The following SPTSSB variants were observed in gnomAD, a reference collection of about 807,000 sequenced individuals.
The protein encoded by SPTSSB is serine palmitoyltransferase small subunit B, also known as androgen down regulated in mouse prostate.
Under a neutral mutation model 7.7 loss-of-function variants are expected in SPTSSB, and 6 were observed. The ratio of observed to expected loss-of-function variants is 0.78; its 90% CI spans 0.43 to 1.54. SPTSSB has a LOEUF of 1.54. SPTSSB is among the 40% of genes most tolerant of loss of function. The pLI, the probability that SPTSSB is intolerant of heterozygous loss-of-function variation, is 0.01. For synonymous variants in SPTSSB, 28 were observed against 29.7 expected (o/e 0.94, Z 0.19); for missense variants, 91 against 93.0 (o/e 0.98, Z 0.09).
chr3:161,363,355 T>C (rs971810671), intron 1 of SPTSSB, among the ~76,000 whole-genome samples: 1 of 151,820 alleles, frequency 6.6e-6, no homozygotes, highest in Non-Finnish European at 1.5e-5. Context: ...TACTGACTTT[T>C]GTATATTAAA....
intron 2 of SPTSSB, among the ~76,000 whole-genome samples, chr3:161,352,822 A>G (rs542354507): frequency 1.3e-5 from 2 of 152,312 alleles, no homozygotes; most frequent in South Asian, 4.1e-4. Context: ...AAAAATATAT[A>G]TAACAAATGC....
intron 2 of SPTSSB, among the ~76,000 whole-genome samples, chr3:161,352,303 T>G (rs565812882): frequency 3.9e-4 from 60 of 152,300 alleles, no homozygotes; most frequent in Admixed American, 1.2e-3. Context: ...TGCTCTTTTC[T>G]TTTCTTGAAA....
At position 161,369,839 on chromosome 3, in the gene SPTSSB, G is replaced by A. The variant is rs551422150; in HGVS notation, c.-126+1596C>T. On this transcript the variant is annotated intron_variant, in intron 1 of 2. Transcript: ENST00000620149. ...ATCACACTCAACTGGAGAGGGTGGG[G>A]AAATATATTGTGGTTCAAGCATCAC... Among the ~76,000 whole-genome samples the A allele has an allele frequency of 5.3e-5, 8 of 152,272 alleles. No individual in the cohort carries two copies. The East Asian group carries it at 1.5e-3, about 29-fold the overall frequency.
chr3:161,358,512 A>G (rs1042722932), intron 2 of SPTSSB, among the ~76,000 whole-genome samples: 12 of 152,188 alleles, frequency 7.9e-5, no homozygotes, highest in Admixed American at 2.6e-4. Flanking sequence ...AGTATAAAAT[A>G]TTTAGAATAA....
chr3:161,369,385 C>CTAT (rs1715404625), intron 1 of SPTSSB, among the ~76,000 whole-genome samples: 3 of 29,652 alleles, frequency 1.0e-4, no homozygotes, highest in Non-Finnish European at 1.8e-4. Flanking sequence ...TCTTTCTTTC[C>CTAT]TTTTTTTTTT....
intron 2 of SPTSSB, among the ~76,000 whole-genome samples, chr3:161,354,296 A>G (rs1203420225): frequency 1.3e-5 from 2 of 152,240 alleles, no homozygotes; most frequent in African/African-American, 4.8e-5. Context: ...TTTGTGTTAT[A>G]TACAATAACA....
At chr3:161,346,523 AAATT>A (rs1247267002) in intron 2 of SPTSSB, among the ~76,000 whole-genome samples, 168 bp from the exon 3 acceptor site, 1 of 152,132 alleles carries the variant, frequency 6.6e-6, no homozygotes, top group Non-Finnish European at 1.5e-5. Flanking sequence ...TTAACTATAA[AAATT>A]AATAATATTG....
rs1576892283 is a variant in SPTSSB, at chr3:161,346,099, A to G, written c.225T>C (p.Ser75=). 2 of 1,519,992 alleles carry G rather than the reference A, an allele frequency of 1.3e-6. No individual in the cohort carries two copies. Among genetic ancestry groups the G allele is most frequent in the Non-Finnish European group, 1.8e-6 (2 of 1,094,184 alleles). The allele number at this position is 1,519,992 out of a possible 1,614,324, so 94.2% of individuals were successfully genotyped here. ...TCACTGAATGTGAACAGGATCAATT[A>G]GAAATTGTACTGTGATATCCACATA... ...SKICGYHSTI[S]N The change falls in exon 3 of 3, where the codon TCT becomes TCC. Residue 75 remains serine, a synonymous_variant. Coordinates refer to ENST00000620149, the MANE Select transcript of SPTSSB (RefSeq NM_001040100.2).
At chr3:161,357,889 A>G (rs1006571448) in intron 2 of SPTSSB, among the ~76,000 whole-genome samples, 4 of 152,168 alleles carry the variant, frequency 2.6e-5, no homozygotes, top group African/African-American at 9.7e-5. Flanking sequence ...GCAGACTTCT[A>G]GCCTTTGGGA....
intron 1 of SPTSSB, among the ~76,000 whole-genome samples, chr3:161,361,529 A>G (rs1171884958): frequency 6.6e-6 from 1 of 152,194 alleles, no homozygotes; most frequent in Non-Finnish European, 1.5e-5. Flanking sequence ...TTGCTATTGC[A>G]TGGTATTTGG....
At chr3:161,363,951 T>C (rs1387287142) in intron 1 of SPTSSB, among the ~76,000 whole-genome samples, 6 of 133,830 alleles carry the variant, frequency 4.5e-5, no homozygotes, top group African/African-American at 1.5e-4. Context: ...ACAGGATGTA[T>C]AGATGGTACA....
intron 1 of SPTSSB, among the ~76,000 whole-genome samples, chr3:161,362,158 T>C (rs1055623835): frequency 6.6e-6 from 1 of 152,144 alleles, no homozygotes; most frequent in Non-Finnish European, 1.5e-5. Context: ...GGCTCAGTTA[T>C]GTATGTTTCT....
At chr3:161,366,958 T>C (rs1715249003) in intron 1 of SPTSSB, among the ~76,000 whole-genome samples, 1 of 152,176 alleles carries the variant, frequency 6.6e-6, no homozygotes, top group Admixed American at 6.5e-5. Flanking sequence ...GTGGATTACC[T>C]GATGTCAGGA....
At chr3:161,364,442 T>C (rs1281231001) in intron 1 of SPTSSB, among the ~76,000 whole-genome samples, 2 of 152,156 alleles carry the variant, frequency 1.3e-5, no homozygotes, top group African/African-American at 4.8e-5. Flanking sequence ...TTCTCTCAGA[T>C]AGAAGTAGAA....
intron 2 of SPTSSB, among the ~76,000 whole-genome samples, chr3:161,347,193 T>G (rs1714287673): frequency 6.6e-6 from 1 of 152,220 alleles, no homozygotes; most frequent in Admixed American, 6.5e-5. Flanking sequence ...CTCTTCATTT[T>G]TACAAATGAG....
rs1354408004 is a variant in SPTSSB, at chr3:161,344,935, C to T, written c.*1158G>A. 1 of 152,522 alleles carries T rather than the reference C, an allele frequency of 6.6e-6. No individual in the cohort carries two copies. The highest frequency in any genetic ancestry group is 6.5e-5 in the Admixed American group (1 of 15,270). 9.4% of individuals were successfully genotyped at this position (152,522 alleles called of 1,614,324 possible). ...ATGCCAAACATCTTTCTCTCTAGCTCACCTTGGAAAAATTTTTTTCATAAC... is the reference window on the plus strand; with the variant it reads ...ATGCCAAACATCTTTCTCTCTAGCTTACCTTGGAAAAATTTTTTTCATAAC... On this transcript the variant is annotated 3_prime_UTR_variant, in exon 3 of 3. Transcript: ENST00000620149.
intron 2 of SPTSSB, among the ~76,000 whole-genome samples, chr3:161,350,461 T>G (rs1237146594): frequency 6.6e-6 from 1 of 152,206 alleles, no homozygotes; most frequent in African/African-American, 2.4e-5. Flanking sequence ...GGGCCTAAAG[T>G]TGATTTTTGG....
At chr3:161,366,047 T>C (rs1481374892) in intron 1 of SPTSSB, among the ~76,000 whole-genome samples, 1 of 152,222 alleles carries the variant, frequency 6.6e-6, no homozygotes, top group African/African-American at 2.4e-5. Context: ...TGGAAATTTC[T>C]CTTACCTTAC....
Position 161,346,109 on chromosome 3 carries a change from C to T in SPTSSB, c.215G>A (p.Ser72Asn), listed in dbSNP as rs868839914. Residue 72 changes from serine (S) to asparagine (N), a missense_variant, in exon 3 of 3, where the codon AGT becomes AAT. By Grantham distance (46) the Ser-to-Asn change is conservative (BLOSUM62 1). Transcript: ENST00000620149. ...EFFSKICGYHSTISN is the reference protein window; with the variant it reads ...EFFSKICGYHNTISN ...TGAACAGGATCAATTAGAAATTGTA[C>T]TGTGATATCCACATATTTTTGAGAA... 5.1e-6 allele frequency: 8 copies of T among 1,564,398 alleles called. 1 individual carries two copies. The Middle Eastern group carries it at 5.0e-4, about 98-fold the overall frequency.
Sources: gnomAD v4.1 joint callset for allele counts (sites outside exome capture counted in the v4.1 genomes callset) on GRCh38, gnomAD v4.1.1 for gene constraint, MANE v1.5 for transcripts, NCBI Gene and HGNC (gene_info 2026-07-23, HGNC 2026-07-21) for gene names.